Variants in ABHD5 observed in about 807,000 individuals in gnomAD.
ABHD5 encodes abhydrolase domain containing 5, lysophosphatidic acid acyltransferase.
In ABHD5, 30 loss-of-function variants were observed where a neutral mutation model predicts 44.9. The observed-to-expected ratio is 0.67, with a 90% CI of 0.50 to 0.91. ABHD5 has a LOEUF of 0.91. Ranked by LOEUF, ABHD5 falls within the 40% of genes least tolerant of loss-of-function variation. The pLI, the probability that ABHD5 is intolerant of heterozygous loss-of-function variation, is 0.00. For synonymous variants in ABHD5, 167 were observed against 147.0 expected (o/e 1.14, Z -0.99); for missense variants, 399 against 423.4 (o/e 0.94, Z 0.50).
In ABHD5 at chr3:43,720,885, GTTTTCTTCTT is replaced by G. The variant is rs1209312391; in HGVS notation, c.*2363_*2372del. 2 of 145,218 alleles carry G rather than the reference GTTTTCTTCTT, an allele frequency of 1.4e-5. No individual in the cohort carries two copies. The highest frequency in any genetic ancestry group is 6.9e-5 in the Admixed American group (1 of 14,492). 9.0% of individuals were successfully genotyped at this position (145,218 alleles called of 1,614,324 possible). ...CATGCATTCCCTTAAGATGACTTCT[GTTTTCTTCTT>G]TTTTCTTCTGATTTTCCAAAAAAAA... On this transcript the variant is annotated 3_prime_UTR_variant, in exon 7 of 7. Transcript: ENST00000644371.
chr3:43,691,344 C>A lies in ABHD5; in HGVS notation c.47+305C>A, dbSNP rs1409859542. 7 of 250,440 alleles carry A rather than the reference C, an allele frequency of 2.8e-5. No homozygotes were observed. The East Asian group carries it at 5.3e-4, about 19-fold the overall frequency. 15.5% of individuals were successfully genotyped at this position (250,440 alleles called of 1,614,324 possible). A position where few individuals can be genotyped will look rare whatever the true frequency, so the allele number is the denominator to read the frequency against. The stretch of plus-strand genomic sequence containing the variant: ...GTTGTTGTATAAGCCACCCCGCGGG[C>A]CGGCGACGGAGCTGGCCGCGGCGGC... On this transcript the variant is annotated intron_variant, in intron 1 of 6. Transcript: ENST00000644371.
chr3:43,730,873 G>T (rs1198136851), intron 7 of ABHD5, among the ~76,000 whole-genome samples: 1 of 151,816 alleles, frequency 6.6e-6, no homozygotes, highest in African/African-American at 2.4e-5. Flanking sequence ...CTGTTGCCCA[G>T]GCTGGAGTGC....
At chr3:43,707,368 T>C (rs1190371905) in intron 3 of ABHD5, among the ~76,000 whole-genome samples, 4 of 152,202 alleles carry the variant, frequency 2.6e-5, no homozygotes, top group Non-Finnish European at 5.9e-5. Flanking sequence ...GTCTTCTGAT[T>C]GTACAGAACT....
downstream of ABHD5, among the ~76,000 whole-genome samples, chr3:43,725,268 A>T (rs2084869811): frequency 6.6e-6 from 1 of 152,170 alleles, no homozygotes; most frequent in Admixed American, 6.5e-5. Context: ...CTGTATATTA[A>T]GCTCTGCCTC....
At chr3:43,691,089 G>A (rs2084368184) in intron 1 of ABHD5, 50 bp downstream of exon 1, 1 of 1,498,566 alleles carries the variant, frequency 6.7e-7, no homozygotes, top group East Asian at 2.7e-5. Context: ...CGCACCCTCC[G>A]CGCGGGCCGG....
chr3:43,718,622 C>T lies in ABHD5; in HGVS notation c.*90C>T. On this transcript the variant is annotated 3_prime_UTR_variant, in exon 7 of 7. Transcript: ENST00000644371. ...CTGTGATGAAGAGTAGTGAATACAA[C>T]ACACAACCAGGCAGCCTTCTTGACT... 1 of 1,262,692 alleles carries T rather than the reference C, an allele frequency of 7.9e-7. No individual in the cohort carries two copies. Among genetic ancestry groups the T allele is most frequent in the Non-Finnish European group, 1.2e-6 (1 of 861,546 alleles). The allele number at this position is 1,262,692 out of a possible 1,614,324, so 78.2% of individuals were successfully genotyped here.
chr3:43,733,573 C>T (rs527841251), intron 7 of ABHD5, among the ~76,000 whole-genome samples: 1 of 152,322 alleles, frequency 6.6e-6, no homozygotes, highest in South Asian at 2.1e-4. Flanking sequence ...ACAAAATTTT[C>T]CACAGGATGC....
Position 43,718,435 on chromosome 3 carries a change from T to C in ABHD5, c.961-8T>C. ...TCACTAACTGTCTGAATGCTTTTCCTTATCCAGGCTATTCTTGGGGCAGGA... is the reference window on the plus strand; with the variant it reads ...TCACTAACTGTCTGAATGCTTTTCCCTATCCAGGCTATTCTTGGGGCAGGA... On this transcript the variant is annotated splice_polypyrimidine_tract_variant and splice_region_variant and intron_variant, in intron 6 of 6. Transcript: ENST00000644371. 1 of 1,613,246 alleles carries C rather than the reference T, an allele frequency of 6.2e-7. No homozygotes were observed. The highest frequency in any genetic ancestry group is 8.5e-7 in the Non-Finnish European group (1 of 1,179,176).
chr3:43,692,333 T>C (rs1462446614), intron 1 of ABHD5, among the ~76,000 whole-genome samples: 1 of 152,260 alleles, frequency 6.6e-6, no homozygotes, highest in Non-Finnish European at 1.5e-5. Context: ...TTGAATGTCA[T>C]GTGGACGCAA....
At chr3:43,702,817 G>C (rs1253779050) in intron 3 of ABHD5, among the ~76,000 whole-genome samples, 1 of 152,158 alleles carries the variant, frequency 6.6e-6, no homozygotes, top group African/African-American at 2.4e-5. Context: ...GTTTCTATTT[G>C]TTAAGCTTAG....
downstream of ABHD5, among the ~76,000 whole-genome samples, chr3:43,724,613 G>C (rs2084866047): frequency 6.6e-6 from 1 of 152,186 alleles, no homozygotes; most frequent in Non-Finnish European, 1.5e-5. Context: ...CAGCCTTAAA[G>C]ACTGAGGTAG....
At chr3:43,691,135 C>T in intron 1 of ABHD5, 96 bp downstream of exon 1, 7 of 1,252,176 alleles carry the variant, frequency 5.6e-6, no homozygotes, top group South Asian at 2.2e-5. Context: ...GGAGTCGCCG[C>T]CCGCCTGGCG....
At chr3:43,691,874 A>G (rs1392803882) in intron 1 of ABHD5, among the ~76,000 whole-genome samples, 1 of 152,180 alleles carries the variant, frequency 6.6e-6, no homozygotes, top group Non-Finnish European at 1.5e-5. Flanking sequence ...CCTTAGAAGA[A>G]CACACATAAT....
intron 1 of ABHD5, among the ~76,000 whole-genome samples, chr3:43,697,959 G>T (rs949370541): frequency 6.6e-6 from 1 of 152,188 alleles, no homozygotes; most frequent in Non-Finnish European, 1.5e-5. Flanking sequence ...TTTGGACTGA[G>T]AATCCCCTGG....
rs553634728 is a variant in ABHD5 at position 43,704,046 on chromosome 3, T to C, written c.506+1459T>C. 9.8e-4 allele frequency among the ~76,000 whole-genome samples: 138 copies of C among 141,134 alleles called. 1 individual carries two copies. Among genetic ancestry groups the C allele is most frequent in the African/African-American group, 3.5e-3 (132 of 37,960 alleles). The allele number at this position is 141,134 out of a possible 152,430, so 92.6% of individuals were successfully genotyped here. On this transcript the variant is annotated intron_variant, in intron 3 of 6. Transcript: ENST00000644371. The stretch of plus-strand genomic sequence containing the variant: ...TTTCTTTATTTTCTTTTTTTTTTTT[T>C]TTTTTTTTTGAGCCGGAGTCTCACT...
At chr3:43,698,209 T>C (rs1403387472) in intron 1 of ABHD5, among the ~76,000 whole-genome samples, 2 of 152,192 alleles carry the variant, frequency 1.3e-5, no homozygotes, top group Non-Finnish European at 2.9e-5. Flanking sequence ...GGAATCCTTA[T>C]TATAACTTCT....
chr3:43,709,220 G>A (rs1266503177), intron 3 of ABHD5, among the ~76,000 whole-genome samples: 2 of 150,168 alleles, frequency 1.3e-5, no homozygotes, highest in African/African-American at 2.5e-5. Context: ...ATAGAATTGA[G>A]CAATTGTAGG....
rs540374478 is a variant in ABHD5, at chr3:43,732,131, A to G, written c.*30-1749A>G. Among the ~76,000 whole-genome samples, 9 of 152,336 alleles carry G rather than the reference A, an allele frequency of 5.9e-5. No homozygotes were observed. In the East Asian group the frequency reaches 1.3e-3, roughly 23 times the overall value. ...GAAGCTTAATGATTTTTAGAATACC[A>G]TTAAGAATAGAGGGGAGGGCTTGGC... On this transcript the variant is annotated intron_variant, in intron 7 of 7. Coordinates refer to the ABHD5 transcript ENST00000454293.
In ABHD5 at chr3:43,731,901, A is replaced by T. The variant is rs372408129; in HGVS notation, c.*30-1979A>T. ...AATTTCAGGATGGCAACTGCAGAGC[A>T]TTAAAATAAGTGTGGGACCCCTCTG... On this transcript the variant is annotated intron_variant, in intron 7 of 7. Coordinates refer to the ABHD5 transcript ENST00000454293. Among the ~76,000 whole-genome samples the T allele has an allele frequency of 2.6e-5, 4 of 152,326 alleles. No homozygotes were observed. In the East Asian group the frequency reaches 7.7e-4, roughly 29 times the overall value.
Sources: gnomAD v4.1 joint callset for allele counts (sites outside exome capture counted in the v4.1 genomes callset) on GRCh38, gnomAD v4.1.1 for gene constraint, MANE v1.5 for transcripts, NCBI Gene and HGNC (gene_info 2026-07-23, HGNC 2026-07-21) for gene names.